Variants in CAND1 observed in about 807,000 individuals in gnomAD.
CAND1 encodes the protein cullin-associated NEDD8-dissociated protein 1.
In CAND1, 7 loss-of-function variants were observed where a neutral mutation model predicts 108.5. The ratio of observed to expected loss-of-function variants is 0.06; its 90% confidence interval spans 0.04 to 0.12. The LOEUF (loss-of-function observed/expected upper bound fraction) is 0.12, where lower values mean the gene tolerates loss of function less well. Ranked by LOEUF, CAND1 falls within the 10% of genes least tolerant of loss-of-function variation. The pLI is 1.00. For missense variants in CAND1, 941 were observed against 1,448.7 expected, an observed-to-expected ratio of 0.65 and a Z score of 5.69; for synonymous variants, 534 against 512.0, an observed-to-expected ratio of 1.04 and a Z score of -0.58.
At chr12:67,299,803 A>G (rs1045726866) in intron 7 of CAND1, among the ~76,000 whole-genome samples, 1 of 152,182 alleles carries the variant, frequency 6.6e-6, no homozygotes, top group Non-Finnish European at 1.5e-5. Flanking sequence ...ATAATAACAA[A>G]TATTTAAGTT....
At chr12:67,303,635 T>C (rs1490139359) in intron 8 of CAND1, among the ~76,000 whole-genome samples, 1 of 152,220 alleles carries the variant, frequency 6.6e-6, no homozygotes, top group Admixed American at 6.5e-5. Context: ...GCTTTTTGTT[T>C]TTACTCTGTA....
chr12:67,299,512 G>GA (rs2044803030), intron 7 of CAND1, among the ~76,000 whole-genome samples: 1 of 152,106 alleles, frequency 6.6e-6, no homozygotes, highest in African/African-American at 2.4e-5. Context: ...TTTGTAAGGA[G>GA]ATAAACCAAG....
chr12:67,274,354 T>C (rs1365919099), intron 1 of CAND1, among the ~76,000 whole-genome samples: 2 of 152,204 alleles, frequency 1.3e-5, no homozygotes, highest in South Asian at 4.1e-4. Flanking sequence ...TTCATGTCCA[T>C]GGAGAGATTT....
intron 2 of CAND1, among the ~76,000 whole-genome samples, chr12:67,283,889 G>A (rs1449527851): frequency 5.9e-5 from 9 of 151,910 alleles, no homozygotes; most frequent in Admixed American, 5.9e-4. Flanking sequence ...GAGTTGGGGA[G>A]AAATAACATA....
rs961455545 is a variant in CAND1 at position 67,316,300 on chromosome 12, A to G, written c.*3470A>G. ...AATTTTGGTTGCAAAAGTGGAACAC[A>G]GTGGAAGTATTTGGCTACAGGCTAC... On this transcript the variant is annotated 3_prime_UTR_variant, in exon 15 of 15. Coordinates refer to ENST00000545606, the MANE Select transcript of CAND1 (RefSeq NM_018448.5). The G allele has an allele frequency of 7.2e-5, 11 of 152,260 alleles. No homozygotes were observed. The highest frequency in any genetic ancestry group is 1.5e-4 in the Non-Finnish European group (10 of 68,048). 9.4% of individuals were successfully genotyped at this position (152,260 alleles called of 1,614,324 possible).
intron 13 of CAND1, chr12:67,310,622 G>T (rs988171354): frequency 5.3e-6 from 1 of 186,932 alleles, no homozygotes; most frequent in Admixed American, 5.7e-5. Context: ...AGATTTTGCT[G>T]TTTAAAGTAT....
intron 1 of CAND1, among the ~76,000 whole-genome samples, chr12:67,280,050 ATTTTG>A (rs1438858582): frequency 1.3e-5 from 2 of 152,180 alleles, no homozygotes; most frequent in Non-Finnish European, 2.9e-5. Flanking sequence ...TGTAGTTTTA[ATTTTG>A]TTTTGTCACA....
In CAND1 at chr12:67,305,457, A is replaced by G; in HGVS notation, c.1789A>G (p.Ile597Val). The G allele has an allele frequency of 2.5e-6, 4 of 1,613,684 alleles. No homozygotes were observed. The highest frequency in any genetic ancestry group is 3.4e-6 in the Non-Finnish European group (4 of 1,180,026). Reference protein sequence around the residue: ...ERAISCMGQIICNLGDNLGSD... With the variant: ...ERAISCMGQIVCNLGDNLGSD... ...GGCTATTTCCTGTATGGGACAAATT[A>G]TTTGCAACCTTGGAGACAATTTGGG... The change falls in exon 10 of 15, where the codon ATT becomes GTT. Residue 597 changes from isoleucine to valine, a missense_variant. This residue lies in a region of CAND1 where 697 missense variants were observed against 942.0 expected (regional missense o/e 0.74). Coordinates refer to ENST00000545606, the MANE Select transcript of CAND1 (RefSeq NM_018448.5). This position sits in a 1 kb window ranked among gnomAD's most constrained non-coding sequence, Gnocchi z 4.4.
intron 7 of CAND1, among the ~76,000 whole-genome samples, chr12:67,300,343 T>G (rs2044812791): frequency 6.6e-6 from 1 of 152,156 alleles, no homozygotes. Flanking sequence ...AATATCAATA[T>G]GCTGGCAACC....
intron 1 of CAND1, among the ~76,000 whole-genome samples, chr12:67,278,688 T>G (rs1433436769): frequency 6.6e-6 from 1 of 151,872 alleles, no homozygotes; most frequent in East Asian, 1.9e-4. Flanking sequence ...CCAGCTAATT[T>G]TTGTAATTTT....
intron 4 of CAND1, among the ~76,000 whole-genome samples, chr12:67,295,724 G>GT (rs1035531043): frequency 5.9e-5 from 9 of 152,252 alleles, no homozygotes; most frequent in East Asian, 1.9e-4. Flanking sequence ...ATTTGTGTGT[G>GT]TTTTTTGTGG....
rs968523136 is a variant in CAND1, at chr12:67,295,303, G to T, written c.491+147G>T. On this transcript the variant is annotated intron_variant, in intron 4 of 14. Coordinates refer to ENST00000545606, the MANE Select transcript of CAND1 (RefSeq NM_018448.5). Reference sequence around the variant, plus strand: ...GTTTTATCAATTTGTGTGATTGGGAGTGAGGGGGAAATAAGCTAATTACAC... The same window carrying T: ...GTTTTATCAATTTGTGTGATTGGGATTGAGGGGGAAATAAGCTAATTACAC... The T allele has an allele frequency of 4.9e-6, 3 of 607,290 alleles. No individual in the cohort carries two copies. In the East Asian group the frequency reaches 9.8e-5, roughly 20 times the overall value. The allele number at this position is 607,290 out of a possible 1,614,324, so 37.6% of individuals were successfully genotyped here.
intron 2 of CAND1, among the ~76,000 whole-genome samples, chr12:67,285,198 G>A (rs911603728): frequency 1.3e-5 from 2 of 152,132 alleles, no homozygotes; most frequent in African/African-American, 2.4e-5. Context: ...GCAGTGTTGT[G>A]TAGTGTAAGG....
At chr12:67,275,741 G>A (rs1337675297) in intron 1 of CAND1, among the ~76,000 whole-genome samples, 2 of 152,110 alleles carry the variant, frequency 1.3e-5, no homozygotes, top group Non-Finnish European at 2.9e-5. Context: ...GTTATTGTGA[G>A]TGCAAGGTAT....
chr12:67,293,585 C>G (rs1471507941), intron 3 of CAND1, among the ~76,000 whole-genome samples: 1 of 151,880 alleles, frequency 6.6e-6, no homozygotes, highest in East Asian at 1.9e-4. Flanking sequence ...GAAACCCCAT[C>G]TCTACTAAAA....
chr12:67,305,672 G>C lies in CAND1; in HGVS notation c.2004G>C (p.Leu668=), dbSNP rs2044874687. ...FLRKNQRALK[L]GTLSALDILI... is the part of the protein sequence containing the mutation. ...GAAAAAACCAGAGAGCTTTGAAACT[G>C]GGTACTCTTTCTGCCCTTGATATTC... Residue 668 remains leucine, a synonymous_variant, in exon 10 of 15, where the codon CTG becomes CTC. Coordinates refer to ENST00000545606, the MANE Select transcript of CAND1 (RefSeq NM_018448.5). The surrounding 1 kb of genome is among the most constrained non-coding windows in gnomAD (Gnocchi z 4.4). 6.2e-7 allele frequency: 1 copy of C among 1,613,916 alleles called. No individual in the cohort carries two copies. The highest frequency in any genetic ancestry group is 1.3e-5 in the African/African-American group (1 of 74,892).
At chr12:67,289,525 C>G (rs1216373259) in intron 2 of CAND1, among the ~76,000 whole-genome samples, 1 of 152,086 alleles carries the variant, frequency 6.6e-6, no homozygotes, top group Admixed American at 6.5e-5. Context: ...TAGCTGGGAC[C>G]ACAGGTGCAT....
Position 67,292,622 on chromosome 12 carries a change from T to C in CAND1, c.213T>C (p.Cys71=). Residue 71 remains cysteine (C), a splice_region_variant and synonymous_variant, in exon 3 of 15, where the codon TGT becomes TGC. Coordinates refer to ENST00000545606, the MANE Select transcript of CAND1 (RefSeq NM_018448.5). ...NGEVQNLAVK[C]LGPLVSKVKE... is the part of the protein sequence containing the mutation. Reference sequence around the variant, plus strand: ...AAACAATTTCTTCTTTGTATTACAGTCTTGGTCCTTTAGTGAGTAAAGTGA... The same window carrying C: ...AAACAATTTCTTCTTTGTATTACAGCCTTGGTCCTTTAGTGAGTAAAGTGA... The C allele has an allele frequency of 6.2e-7, 1 of 1,605,126 alleles. No individual in the cohort carries two copies. Among genetic ancestry groups the C allele is most frequent in the South Asian group, 1.1e-5 (1 of 89,090 alleles).
intron 1 of CAND1, among the ~76,000 whole-genome samples, chr12:67,273,267 A>G (rs912570261): frequency 1.3e-5 from 2 of 152,286 alleles, no homozygotes; most frequent in South Asian, 2.1e-4. Context: ...TTTTTGCCAG[A>G]AAACATTTGT....
Sources: allele counts gnomAD v4.1 joint callset (sites outside exome capture counted in the v4.1 genomes callset), GRCh38; gene constraint gnomAD v4.1.1; regional missense constraint gnomAD v4.1.1; non-coding constraint Gnocchi (gnomAD v3.1); transcripts MANE v1.5; gene names NCBI Gene and HGNC (gene_info 2026-07-23, HGNC 2026-07-21).